The following TYW1 variants were observed in gnomAD, a reference collection of about 807,000 sequenced individuals.
The protein encoded by TYW1 is tRNA-yW synthesizing protein 1 homolog, also known as S-adenosyl-L-methionine-dependent tRNA 4-demethylwyosine synthase TYW1.
TYW1 carries 46 observed loss-of-function variants against 96.2 expected under a neutral mutation model. That is an observed-to-expected ratio of 0.48 (90% confidence interval 0.38 to 0.61). The LOEUF (loss-of-function observed/expected upper bound fraction) is 0.61. TYW1 is among the 20% of genes least tolerant of loss of function. The pLI is 0.00. For missense variants in TYW1, 684 were observed against 909.6 expected (o/e 0.75, Z 3.19); for synonymous variants, 274 against 323.0 (o/e 0.85, Z 1.63).
chr7:67,141,217 C>T (rs1227696773), intron 13 of TYW1, among the ~76,000 whole-genome samples: 2 of 152,130 alleles, frequency 1.3e-5, no homozygotes, highest in Admixed American at 1.3e-4. Flanking sequence ...ATTAAATGCT[C>T]AATAAATATT....
rs768464894 is a variant in TYW1, at chr7:67,017,973, G to A, written c.691G>A (p.Ala231Thr). 6 of 1,614,164 alleles carry A rather than the reference G, an allele frequency of 3.7e-6. No individual in the cohort carries two copies. In the South Asian group the frequency reaches 5.5e-5, roughly 15 times the overall value. ...KHGSIEADFRAWKTKFISQLQ... is the reference protein window; with the variant it reads ...KHGSIEADFRTWKTKFISQLQ... ...CGGCAGCATTGAGGCCGACTTCAGAGCATGGAAGACCAAGTTCATCTCCCA... is the reference window on the plus strand; with the variant it reads ...CGGCAGCATTGAGGCCGACTTCAGAACATGGAAGACCAAGTTCATCTCCCA... The change falls in exon 6 of 16, where the codon GCA becomes ACA. Residue 231 changes from alanine to threonine, a missense_variant. Coordinates refer to ENST00000359626, the MANE Select transcript of TYW1 (RefSeq NM_018264.4).
intron 13 of TYW1, among the ~76,000 whole-genome samples, chr7:67,123,797 G>C (rs898334553): frequency 1.3e-5 from 2 of 152,224 alleles, no homozygotes; most frequent in Admixed American, 1.3e-4. Flanking sequence ...CAAGGAAACA[G>C]TGAGTTTCCA....
intron 15 of TYW1, among the ~76,000 whole-genome samples, chr7:67,227,945 T>A (rs1487776528): frequency 6.6e-6 from 1 of 152,186 alleles, no homozygotes; most frequent in Non-Finnish European, 1.5e-5. Context: ...TTCAGAGAGT[T>A]CTGTGGGTCC....
At chr7:67,027,866 C>T (rs1458199432) in intron 7 of TYW1, among the ~76,000 whole-genome samples, 1 of 147,238 alleles carries the variant, frequency 6.8e-6, no homozygotes, top group Non-Finnish European at 1.5e-5. Context: ...GGAGGCAGAG[C>T]TTGTAGTGAG....
chr7:67,106,243 C>A (rs1797240096), intron 12 of TYW1, among the ~76,000 whole-genome samples: 1 of 152,202 alleles, frequency 6.6e-6, no homozygotes, highest in Non-Finnish European at 1.5e-5. Context: ...CATTTTGATA[C>A]ACAAAGAATT....
chr7:67,123,532 T>C (rs182281570), intron 13 of TYW1, among the ~76,000 whole-genome samples: 1 of 152,300 alleles, frequency 6.6e-6, no homozygotes, highest in Non-Finnish European at 1.5e-5. Context: ...CATCAGGTAA[T>C]GTCTAGTGGA....
intron 8 of TYW1, among the ~76,000 whole-genome samples, chr7:67,053,614 A>G (rs957238985): frequency 1.3e-5 from 2 of 152,130 alleles, no homozygotes; most frequent in Non-Finnish European, 1.5e-5. Context: ...TCCTGACCTC[A>G]GGTGATCCAC....
chr7:67,064,194 A>C (rs1795789351), intron 9 of TYW1, among the ~76,000 whole-genome samples: 1 of 152,238 alleles, frequency 6.6e-6, no homozygotes, highest in African/African-American at 2.4e-5. Flanking sequence ...AGAAATAGGC[A>C]AACTTATTCA....
intron 7 of TYW1, among the ~76,000 whole-genome samples, chr7:67,048,980 C>T (rs983260847): frequency 1.3e-5 from 2 of 152,230 alleles, no homozygotes; most frequent in African/African-American, 2.4e-5. Context: ...TGCCATTGCA[C>T]TCTGGCCTGG....
intron 11 of TYW1, chr7:67,089,107 A>G (rs1024367751): frequency 2.5e-6 from 1 of 406,038 alleles, no homozygotes; most frequent in Non-Finnish European, 4.4e-6. Flanking sequence ...CTCTTTTTTA[A>G]CAAATAGCCC....
In TYW1 at chr7:67,119,915, G is replaced by T. The variant is rs141553785; in HGVS notation, c.1698+2297G>T. Among the ~76,000 whole-genome samples, 127 of 152,040 alleles carry T rather than the reference G, an allele frequency of 8.4e-4. 1 individual carries two copies. The highest frequency in any genetic ancestry group is 1.6e-3 in the Non-Finnish European group (109 of 68,006). On this transcript the variant is annotated intron_variant, in intron 13 of 15. Coordinates refer to ENST00000359626, the MANE Select transcript of TYW1 (RefSeq NM_018264.4). ...CGGTCCTCCTTCCTCAGCCTTCCAA[G>T]TACTGGGACCACAGGCACATACTGC...
At chr7:67,176,165 A>G (rs1799665475) in intron 13 of TYW1, among the ~76,000 whole-genome samples, 1 of 152,210 alleles carries the variant, frequency 6.6e-6, no homozygotes, top group Admixed American at 6.5e-5. Context: ...TACTACCATA[A>G]CAAAGCATCA....
At chr7:67,098,926 C>T (rs2686978) in intron 12 of TYW1, among the ~76,000 whole-genome samples, 1 of 151,996 alleles carries the variant, frequency 6.6e-6, no homozygotes, top group African/African-American at 2.4e-5. Context: ...GGCACAGATA[C>T]ATCGCTAGGG....
At chr7:67,076,862 C>T (rs1412393134) in intron 10 of TYW1, among the ~76,000 whole-genome samples, 4 of 151,588 alleles carry the variant, frequency 2.6e-5, no homozygotes, top group Non-Finnish European at 5.9e-5. Flanking sequence ...GCAACCTCCA[C>T]CTCCCAGGTT....
At chr7:67,218,263 T>C (rs1801265895) in intron 15 of TYW1, among the ~76,000 whole-genome samples, 1 of 152,216 alleles carries the variant, frequency 6.6e-6, no homozygotes, top group African/African-American at 2.4e-5. Context: ...CTTTTCATTG[T>C]ACAAGTCTTT....
At chr7:67,120,239 GC>G (rs372651842) in intron 13 of TYW1, among the ~76,000 whole-genome samples, 3 of 152,010 alleles carry the variant, frequency 2.0e-5, no homozygotes, top group East Asian at 3.9e-4. Context: ...GTACCACCAT[GC>G]CCGGCTAATT....
chr7:67,030,660 G>A (rs1562974378), intron 7 of TYW1, among the ~76,000 whole-genome samples: 1 of 151,912 alleles, frequency 6.6e-6, no homozygotes, highest in Non-Finnish European at 1.5e-5. Context: ...AATGTACTAA[G>A]CACTCAGATC....
intron 10 of TYW1, among the ~76,000 whole-genome samples, chr7:67,068,285 G>A (rs1333984541): frequency 1.3e-5 from 2 of 152,156 alleles, no homozygotes; most frequent in Non-Finnish European, 2.9e-5. Flanking sequence ...GCCTCCCAAA[G>A]TGCTGGGATT....
chr7:67,122,770 G>A (rs1304940890), intron 13 of TYW1, among the ~76,000 whole-genome samples: 1 of 152,184 alleles, frequency 6.6e-6, no homozygotes, highest in Admixed American at 6.5e-5. Flanking sequence ...CAGCAGGAGT[G>A]TGTGATGTCC....
Sources: gnomAD v4.1 joint callset for allele counts (sites outside exome capture counted in the v4.1 genomes callset) on GRCh38, gnomAD v4.1.1 for gene constraint, MANE v1.5 for transcripts, NCBI Gene and HGNC (gene_info 2026-07-23, HGNC 2026-07-21) for gene names.